The following RAP1GAP2 variants were observed in gnomAD, a reference collection of about 807,000 sequenced individuals.
RAP1GAP2 encodes rap1 GTPase-activating protein 2.
RAP1GAP2 carries 27 observed loss-of-function variants against 95.0 expected under a neutral mutation model. The observed-to-expected ratio is 0.28, with a 90% CI of 0.21 to 0.39. The LOEUF (loss-of-function observed/expected upper bound fraction) is 0.39. Among genes scored for constraint, RAP1GAP2 ranks in the 10% least tolerant of loss-of-function variants. The pLI is 1.00. For missense variants in RAP1GAP2, 771 were observed against 970.0 expected, an observed-to-expected ratio of 0.79 and a Z score of 2.72; for synonymous variants, 373 against 380.9, an observed-to-expected ratio of 0.98 and a Z score of 0.24.
intron 8 of RAP1GAP2, among the ~76,000 whole-genome samples, chr17:2,972,908 A>G (rs1252054233): frequency 6.6e-6 from 1 of 152,218 alleles, no homozygotes; most frequent in East Asian, 1.9e-4. Context: ...CTACTTGCCC[A>G]TAGAAGGCAT....
chr17:2,772,625 T>C (rs1280971363), upstream of RAP1GAP2, among the ~76,000 whole-genome samples: 2 of 151,754 alleles, frequency 1.3e-5, no homozygotes. Flanking sequence ...CCGTTATGTG[T>C]CATGCAAATG....
intron 2 of RAP1GAP2, among the ~76,000 whole-genome samples, chr17:2,835,792 T>C (rs2071101639): frequency 6.6e-6 from 1 of 152,380 alleles, no homozygotes; most frequent in Admixed American, 6.5e-5. Flanking sequence ...ATTTTGGATT[T>C]ATCTGAATGC....
intron 11 of RAP1GAP2, among the ~76,000 whole-genome samples, 166 bp from the exon 12 acceptor site, chr17:2,991,131 G>C (rs1490425157): frequency 6.6e-6 from 1 of 152,072 alleles, no homozygotes; most frequent in African/African-American, 2.4e-5. Context: ...GTCTCCATCA[G>C]TCCCTCCTCT....
intron 2 of RAP1GAP2, among the ~76,000 whole-genome samples, chr17:2,822,466 T>A (rs1393599663): frequency 2.6e-5 from 4 of 151,688 alleles, no homozygotes; most frequent in East Asian, 1.9e-4. Flanking sequence ...CAAAGAAAAT[T>A]AAAAAACAAT....
intron 2 of RAP1GAP2, among the ~76,000 whole-genome samples, chr17:2,877,169 G>A (rs562248282): frequency 2.0e-5 from 3 of 152,204 alleles, no homozygotes; most frequent in Admixed American, 6.5e-5. Context: ...AATTACAGGC[G>A]TGAGCCACTG....
intron 3 of RAP1GAP2, among the ~76,000 whole-genome samples, chr17:2,955,162 T>C (rs1422811023): frequency 1.3e-5 from 2 of 152,170 alleles, no homozygotes; most frequent in Non-Finnish European, 2.9e-5. Context: ...ATTGCTGAGT[T>C]GTGTGGTCAT....
intron 2 of RAP1GAP2, among the ~76,000 whole-genome samples, chr17:2,852,619 A>G (rs61530211): frequency 0.13 from 20,049 of 152,258 alleles, 1,679 homozygotes; most frequent in African/African-American, 0.23. Context: ...AACAACAACA[A>G]AAAACAAGGC....
intron 2 of RAP1GAP2, among the ~76,000 whole-genome samples, chr17:2,805,205 G>A (rs73308043): frequency 0.031 from 4,659 of 152,252 alleles, 251 homozygotes; most frequent in African/African-American, 0.1. Flanking sequence ...CAGGCTCAGC[G>A]TGTGGGGATC....
intron 2 of RAP1GAP2, among the ~76,000 whole-genome samples, chr17:2,846,853 G>A (rs2071609622): frequency 6.6e-6 from 1 of 152,130 alleles, no homozygotes; most frequent in Admixed American, 6.6e-5. Context: ...ACAGCTGTTT[G>A]GGGCCATTAA....
intron 17 of RAP1GAP2, among the ~76,000 whole-genome samples, chr17:3,016,575 C>G (rs986410946): frequency 6.6e-6 from 1 of 152,356 alleles, no homozygotes; most frequent in Admixed American, 6.5e-5. Flanking sequence ...TTGGGCATTC[C>G]TCAGAGGCAG....
chr17:2,933,536 G>T (rs2043220101), intron 3 of RAP1GAP2, among the ~76,000 whole-genome samples: 1 of 152,244 alleles, frequency 6.6e-6, no homozygotes, highest in African/African-American at 2.4e-5. Context: ...CAGCCTGGGG[G>T]GCTCTTTATT....
chr17:2,928,082 AACTGATGG>A (rs869185965), intron 3 of RAP1GAP2, among the ~76,000 whole-genome samples: 1 of 3,522 alleles, frequency 2.8e-4, no homozygotes, highest in African/African-American at 8.3e-4. Context: ...CAACTGATGG[AACTGATGG>A]AAAAGCCACC....
chr17:2,799,353 T>C (rs75471751), intron 1 of RAP1GAP2, among the ~76,000 whole-genome samples: 1 of 152,180 alleles, frequency 6.6e-6, no homozygotes, highest in African/African-American at 2.4e-5. Context: ...GGGGTGCCGC[T>C]TGCTTTGCTG....
In RAP1GAP2 at chr17:3,031,018, A is replaced by C. The variant is rs1567919777; in HGVS notation, c.2184+20A>C. 6.3e-7 allele frequency: 1 copy of C among 1,576,116 alleles called. No homozygotes were observed. Among genetic ancestry groups the C allele is most frequent in the Non-Finnish European group, 8.6e-7 (1 of 1,156,262 alleles). On this transcript the variant is annotated intron_variant, in intron 23 of 24. Transcript: ENST00000254695. ...GGTGCGGTAAGGATGCGCCTCCCAC[A>C]CCCCACACTCCACTTTCTGCAGAGG...
intron 2 of RAP1GAP2, among the ~76,000 whole-genome samples, chr17:2,894,575 T>G (rs928554771): frequency 6.6e-6 from 1 of 152,130 alleles, no homozygotes; most frequent in Non-Finnish European, 1.5e-5. Flanking sequence ...TGATCCCATT[T>G]GGGTGTCCCA....
intron 1 of RAP1GAP2, among the ~76,000 whole-genome samples, chr17:2,767,033 A>G (rs2068288298): frequency 6.6e-6 from 1 of 151,712 alleles, no homozygotes; most frequent in Non-Finnish European, 1.5e-5. Flanking sequence ...ACAGGCTGAC[A>G]GGCAGGCACC....
At chr17:2,962,855 G>C in intron 5 of RAP1GAP2, 141 bp downstream of exon 5, 1 of 792,352 alleles carries the variant, frequency 1.3e-6, no homozygotes, top group Non-Finnish European at 1.9e-6. Flanking sequence ...GCCGCTTCAC[G>C]ACTGCCTTGT....
intron 2 of RAP1GAP2, among the ~76,000 whole-genome samples, chr17:2,868,322 A>T (rs2072700499): frequency 6.6e-6 from 1 of 152,152 alleles, no homozygotes; most frequent in South Asian, 2.1e-4. Context: ...GCACCTCTAG[A>T]TGGCAAAAAC....
At chr17:3,007,526 C>T (rs190447449) in intron 16 of RAP1GAP2, among the ~76,000 whole-genome samples, 160 of 152,306 alleles carry the variant, frequency 1.1e-3, no homozygotes, top group African/African-American at 3.7e-3. Flanking sequence ...GACTCTTGGG[C>T]CTTTGGCCTG....
Sources: allele counts gnomAD v4.1 joint callset (sites outside exome capture counted in the v4.1 genomes callset), GRCh38; gene constraint gnomAD v4.1.1; transcripts MANE v1.5; gene names NCBI Gene and HGNC (gene_info 2026-07-23, HGNC 2026-07-21).